Variants in HSD17B12 observed in about 807,000 individuals in gnomAD.
HSD17B12 encodes the protein very-long-chain 3-oxoacyl-CoA reductase.
A neutral mutation model predicts 39.3 loss-of-function variants in HSD17B12; 32 were observed. The observed-to-expected ratio is 0.81, with a 90% CI of 0.61 to 1.09. The LOEUF is 1.09. Ranked by LOEUF, HSD17B12 falls within the 50% of genes least tolerant of loss-of-function variation. The pLI is 0.00. For missense variants in HSD17B12, 342 were observed against 382.9 expected, an observed-to-expected ratio of 0.89 and a Z score of 0.89; for synonymous variants, 150 against 146.7, an observed-to-expected ratio of 1.02 and a Z score of -0.16.
chr11:43,641,136 T>TAA, the HSD17B12 span: 638 of 151,958 alleles, frequency 4.2e-3, 6 homozygotes, highest in African/African-American at 0.015. Flanking sequence ...TTAACTGATG[T>TAA]AAAACATCAT....
intron 9 of HSD17B12, among the ~76,000 whole-genome samples, chr11:43,846,781 A>G (rs1008544777): frequency 6.6e-6 from 1 of 152,232 alleles, no homozygotes; most frequent in Non-Finnish European, 1.5e-5. Context: ...AACAAAGGTA[A>G]ATAAGACCCA....
At position 43,723,949 on chromosome 11, in the gene HSD17B12, T is replaced by G. The variant is rs1319521832; in HGVS notation, c.161-26962T>G. 3 of 137,656 alleles carry G rather than the reference T, an allele frequency of 2.2e-5. No individual in the cohort carries two copies. The East Asian group carries it at 5.9e-4, about 27-fold the overall frequency. The allele number at this position is 137,656 out of a possible 1,614,324, so 8.5% of individuals were successfully genotyped here. On this transcript the variant is annotated intron_variant, in intron 1 of 10. Transcript: ENST00000278353. ...CCTTTTGATTTGTTCATACAACTGT[T>G]TGGAGGAGGAGAATTTTTTTTTTTA...
Position 43,703,226 on chromosome 11 carries a change from G to A in HSD17B12, c.160+22239G>A, listed in dbSNP as rs535812925. ...TTCTTTTTTTTTGAGACGGAGTCTC[G>A]CTCTGTCACCCAGGCTGGAGTGCAG... is the stretch of plus-strand genomic sequence containing the variant. On this transcript the variant is annotated intron_variant, in intron 1 of 10. Coordinates refer to ENST00000278353, the MANE Select transcript of HSD17B12 (RefSeq NM_016142.3). Among the ~76,000 whole-genome samples, 7 of 151,976 alleles carry A rather than the reference G, an allele frequency of 4.6e-5. No homozygotes were observed. In the East Asian group the frequency reaches 7.7e-4, roughly 17 times the overall value.
the HSD17B12 span, among the ~76,000 whole-genome samples, chr11:43,615,334 C>T: frequency 6.6e-6 from 1 of 152,184 alleles, no homozygotes; most frequent in Admixed American, 6.6e-5. Context: ...TGGAACCTCA[C>T]AGTTTCTTAG....
chr11:43,565,970 T>C, the HSD17B12 span, among the ~76,000 whole-genome samples: 5 of 152,212 alleles, frequency 3.3e-5, no homozygotes, highest in East Asian at 9.6e-4. Flanking sequence ...TCTCTCAATG[T>C]TGGATGGAAC....
intron 7 of HSD17B12, among the ~76,000 whole-genome samples, chr11:43,836,500 C>A (rs1326134169): frequency 6.6e-6 from 1 of 152,100 alleles, no homozygotes; most frequent in African/African-American, 2.4e-5. Context: ...ATATTTTTCT[C>A]TCTCTTTTCA....
At chr11:43,661,534 C>T in the HSD17B12 span, among the ~76,000 whole-genome samples, 350 of 152,176 alleles carry the variant, frequency 2.3e-3, no homozygotes, top group South Asian at 5.0e-3. Flanking sequence ...AGATGTGAGC[C>T]GGGCATAGTG....
intron 1 of HSD17B12, among the ~76,000 whole-genome samples, chr11:43,743,801 G>A (rs942567650): frequency 6.6e-6 from 1 of 152,092 alleles, no homozygotes; most frequent in African/African-American, 2.4e-5. Context: ...AACTCTAATC[G>A]ATATTTTAAT....
At chr11:43,581,384 C>T in the HSD17B12 span, 23 of 508,360 alleles carry the variant, frequency 4.5e-5, no homozygotes, top group South Asian at 3.2e-4. The surrounding 1 kb of genome is among the most constrained non-coding windows in gnomAD (Gnocchi z 4.9). Context: ...CCGAAGAAGC[C>T]GGCATATTCT....
At chr11:43,698,528 C>A (rs1949933585) in intron 1 of HSD17B12, among the ~76,000 whole-genome samples, 1 of 152,178 alleles carries the variant, frequency 6.6e-6, no homozygotes, top group Non-Finnish European at 1.5e-5. Context: ...TCTCTTTGGG[C>A]AGAAAGTATA....
the HSD17B12 span, among the ~76,000 whole-genome samples, chr11:43,619,261 T>TGA: frequency 1.2e-5 from 1 of 80,782 alleles, no homozygotes; most frequent in East Asian, 6.3e-4. Context: ...TATATATATT[T>TGA]TATATATATA....
At chr11:43,843,040 T>A (rs1951441710) in intron 9 of HSD17B12, among the ~76,000 whole-genome samples, 2 of 152,246 alleles carry the variant, frequency 1.3e-5, no homozygotes, top group Admixed American at 1.3e-4. Context: ...TATTTTATTT[T>A]GATAAACTTT....
intron 1 of HSD17B12, among the ~76,000 whole-genome samples, chr11:43,744,512 A>G (rs1055507625): frequency 2.6e-5 from 4 of 152,202 alleles, no homozygotes; most frequent in Non-Finnish European, 5.9e-5. Context: ...AAGCTATTAT[A>G]TGTGTGGTTA....
intron 4 of HSD17B12, among the ~76,000 whole-genome samples, chr11:43,804,941 G>A (rs1180733036): frequency 6.6e-6 from 1 of 152,160 alleles, no homozygotes; most frequent in Non-Finnish European, 1.5e-5. Flanking sequence ...ATTGGTTTGG[G>A]ATCCAGAGAT....
At chr11:43,799,177 T>G (rs1430301429) in intron 4 of HSD17B12, among the ~76,000 whole-genome samples, 1 of 152,052 alleles carries the variant, frequency 6.6e-6, no homozygotes, top group African/African-American at 2.4e-5. Context: ...TCATGAAATT[T>G]TAATACCACA....
At chr11:43,801,628 A>ATATATATATATATG (rs1176560327) in intron 4 of HSD17B12, among the ~76,000 whole-genome samples, 9 of 20,954 alleles carry the variant, frequency 4.3e-4, no homozygotes, top group African/African-American at 1.0e-3. Context: ...ATATATATAT[A>ATATATATATATATG]TATGTATATG....
chr11:43,622,546 A>T, the HSD17B12 span, among the ~76,000 whole-genome samples: 1 of 152,140 alleles, frequency 6.6e-6, no homozygotes, highest in Non-Finnish European at 1.5e-5. Flanking sequence ...TTTTAGAATA[A>T]ATAGAAGAGG....
chr11:43,847,713 C>CAAAAAAA (rs1391600484), intron 9 of HSD17B12, among the ~76,000 whole-genome samples: 1 of 17,572 alleles, frequency 5.7e-5, no homozygotes. Context: ...GACTCTGCCT[C>CAAAAAAA]ACAAAAAAAA....
At chr11:43,578,775 G>C in the HSD17B12 span, 2 of 151,842 alleles carry the variant, frequency 1.3e-5, no homozygotes, top group Non-Finnish European at 2.9e-5. Context: ...GTTGGGGGGA[G>C]GTGTCCAAGA....
Sources: gnomAD v4.1 joint callset for allele counts (sites outside exome capture counted in the v4.1 genomes callset) on GRCh38, gnomAD v4.1.1 for gene constraint, Gnocchi (gnomAD v3.1) non-coding constraint, MANE v1.5 for transcripts, NCBI Gene and HGNC (gene_info 2026-07-23, HGNC 2026-07-21) for gene names.